The following CSMD1 variants were observed in gnomAD, a reference collection of about 807,000 sequenced individuals.
CSMD1 encodes the protein CUB and sushi domain-containing protein 1.
A neutral mutation model predicts 417.5 loss-of-function variants in CSMD1; 213 were observed. The observed-to-expected ratio is 0.51, with a 90% CI of 0.46 to 0.57. The LOEUF (loss-of-function observed/expected upper bound fraction) is 0.57. Among genes scored for constraint, CSMD1 ranks in the 20% least tolerant of loss-of-function variants. CSMD1 has a pLI of 0.00. For missense variants in CSMD1, 6,923 were observed against 4,529.7 expected (o/e 1.53, Z -15.17); for synonymous variants, 2,862 against 1,736.8 (o/e 1.65, Z -16.11).
At chr8:4,911,606 A>G (rs1222415341) in intron 1 of CSMD1, among the ~76,000 whole-genome samples, 2 of 152,190 alleles carry the variant, frequency 1.3e-5, no homozygotes, top group Non-Finnish European at 2.9e-5. Flanking sequence ...TCCTGACAGA[A>G]GCGTTTAACT....
chr8:3,850,797 C>A (rs544959673), intron 5 of CSMD1, among the ~76,000 whole-genome samples: 1 of 152,074 alleles, frequency 6.6e-6, no homozygotes, highest in Non-Finnish European at 1.5e-5. Context: ...TGTGAAAGTC[C>A]AGTCAAAGGA....
At chr8:4,421,500 G>A (rs1033448925) in intron 2 of CSMD1, among the ~76,000 whole-genome samples, 6 of 152,092 alleles carry the variant, frequency 3.9e-5, no homozygotes, top group Non-Finnish European at 8.8e-5. Flanking sequence ...TGACCACACA[G>A]TGGAATCAAA....
At chr8:4,342,980 T>G (rs564549562) in intron 3 of CSMD1, among the ~76,000 whole-genome samples, 6 of 152,072 alleles carry the variant, frequency 3.9e-5, no homozygotes, top group Non-Finnish European at 8.8e-5. Context: ...AGGTAGAGAA[T>G]TCCAAGCTGT....
chr8:3,659,586 C>G (rs1171732461), intron 7 of CSMD1, among the ~76,000 whole-genome samples: 7 of 152,148 alleles, frequency 4.6e-5, no homozygotes, highest in African/African-American at 1.4e-4. Flanking sequence ...AATGATTCAA[C>G]TGTGAATTGG....
chr8:3,725,520 G>A (rs188248705), intron 6 of CSMD1, among the ~76,000 whole-genome samples: 2 of 152,198 alleles, frequency 1.3e-5, no homozygotes, highest in South Asian at 2.1e-4. Flanking sequence ...GTGTGTGTAT[G>A]TGTATGTGGG....
intron 52 of CSMD1, among the ~76,000 whole-genome samples, chr8:3,000,449 A>C (rs1807303143): frequency 6.6e-6 from 1 of 152,214 alleles, no homozygotes; most frequent in South Asian, 2.1e-4. Flanking sequence ...TATTTTCAAA[A>C]CAAAGCAAAA....
At chr8:3,415,926 C>T (rs1813115834) in intron 12 of CSMD1, among the ~76,000 whole-genome samples, 1 of 152,016 alleles carries the variant, frequency 6.6e-6, no homozygotes, top group African/African-American at 2.4e-5. Flanking sequence ...TTTTGAGTTG[C>T]ATATGATATT....
At chr8:3,403,676 G>T (rs1408100241) in intron 15 of CSMD1, among the ~76,000 whole-genome samples, 5 of 152,168 alleles carry the variant, frequency 3.3e-5, no homozygotes, top group African/African-American at 1.2e-4. Context: ...TGAGAGTGTA[G>T]TGTTCACTTT....
intron 3 of CSMD1, among the ~76,000 whole-genome samples, chr8:4,311,788 A>C (rs1798594606): frequency 6.6e-6 from 1 of 151,656 alleles, no homozygotes; most frequent in Non-Finnish European, 1.5e-5. Flanking sequence ...CATAGAGGGG[A>C]ACAACACACA....
At chr8:4,290,873 C>T (rs1054617439) in intron 3 of CSMD1, among the ~76,000 whole-genome samples, 1 of 152,182 alleles carries the variant, frequency 6.6e-6, no homozygotes. Flanking sequence ...TGTGACTCAT[C>T]ATCCTTTACA....
At chr8:4,524,311 A>G (rs1796396070) in intron 2 of CSMD1, among the ~76,000 whole-genome samples, 1 of 152,128 alleles carries the variant, frequency 6.6e-6, no homozygotes, top group South Asian at 2.1e-4. Flanking sequence ...ACCTGCTAGT[A>G]AAAAGGTACT....
chr8:4,017,976 T>A (rs761102430), intron 4 of CSMD1, among the ~76,000 whole-genome samples: 1 of 152,186 alleles, frequency 6.6e-6, no homozygotes, highest in African/African-American at 2.4e-5. Flanking sequence ...CATTTATACA[T>A]GTTGCATTTT....
At chr8:3,862,818 CA>C (rs1804808560) in intron 5 of CSMD1, among the ~76,000 whole-genome samples, 1 of 152,186 alleles carries the variant, frequency 6.6e-6, no homozygotes, top group East Asian at 1.9e-4. Flanking sequence ...TGCCTGCCCT[CA>C]AATGGCAAGT....
At chr8:3,336,876 G>C (rs1393114539) in intron 23 of CSMD1, among the ~76,000 whole-genome samples, 3 of 152,136 alleles carry the variant, frequency 2.0e-5, no homozygotes, top group Non-Finnish European at 4.4e-5. Context: ...GTCTGAGATG[G>C]TCAGATCCTA....
intron 5 of CSMD1, among the ~76,000 whole-genome samples, chr8:3,927,742 C>G (rs1435454282): frequency 6.6e-6 from 1 of 152,010 alleles, no homozygotes; most frequent in South Asian, 2.1e-4. Context: ...AAAGAAGATG[C>G]TAATTTGATT....
chr8:4,115,498 A>G (rs1452164954), intron 3 of CSMD1, among the ~76,000 whole-genome samples: 4 of 152,214 alleles, frequency 2.6e-5, no homozygotes, highest in Non-Finnish European at 5.9e-5. Flanking sequence ...TTTTACAACT[A>G]AAAATTATCT....
At chr8:3,576,714 C>A (rs1396879440) in intron 9 of CSMD1, among the ~76,000 whole-genome samples, 1 of 152,060 alleles carries the variant, frequency 6.6e-6, no homozygotes, top group African/African-American at 2.4e-5. Flanking sequence ...AAACATGGAC[C>A]CCTCTTATAC....
Position 3,284,323 on chromosome 8 carries a change from G to C in CSMD1, c.3974C>G (p.Thr1325Arg). ...CTTGAGGATGTCGTGAGCCATCTCC[G>C]TGTCGAAAACAATGAAATGGAGGCT... ...TISLHFIVFD[T>R]EMAHDILKVW... Residue 1325 changes from threonine (T) to arginine (R), a missense_variant, in exon 26 of 70, where the codon ACG (threonine) becomes AGG (arginine). Thr to Arg is a moderately conservative substitution (Grantham distance 71, BLOSUM62 -1). Transcript: ENST00000635120. 1.2e-6 allele frequency: 2 copies of C among 1,613,736 alleles called. No individual in the cohort carries two copies. Among genetic ancestry groups the C allele is most frequent in the Non-Finnish European group, 8.5e-7 (1 of 1,179,792 alleles).
chr8:4,196,811 T>G (rs1314378100), intron 3 of CSMD1, among the ~76,000 whole-genome samples: 1 of 152,128 alleles, frequency 6.6e-6, no homozygotes, highest in Non-Finnish European at 1.5e-5. Context: ...CTCCAGGGAT[T>G]AAGGAATGAA....
Sources: gnomAD v4.1 joint callset for allele counts (sites outside exome capture counted in the v4.1 genomes callset) on GRCh38, gnomAD v4.1.1 for gene constraint, MANE v1.5 for transcripts, NCBI Gene and HGNC (gene_info 2026-07-23, HGNC 2026-07-21) for gene names.